Variants in LRRC7 observed in about 807,000 individuals in gnomAD.
The protein encoded by LRRC7 is leucine rich repeat containing 7, also known as leucine-rich repeat-containing protein 7.
A neutral mutation model predicts 175.7 loss-of-function variants in LRRC7; 23 were observed. The ratio of observed to expected loss-of-function variants is 0.13; its 90% CI spans 0.09 to 0.19. The LOEUF is 0.19. LRRC7 is among the 10% of genes least tolerant of loss of function. The pLI, the probability that LRRC7 is intolerant of heterozygous loss-of-function variation, is 1.00. For synonymous variants in LRRC7, 685 were observed against 680.9 expected (o/e 1.01, Z -0.09); for missense variants, 1,354 against 1,904.7 (o/e 0.71, Z 5.38).
chr1:69,719,088 C>G (rs1666074757), intron 2 of LRRC7, among the ~76,000 whole-genome samples: 1 of 151,748 alleles, frequency 6.6e-6, no homozygotes. Context: ...ATTATAAACA[C>G]TTTAAGTCTC....
At chr1:69,914,026 A>G (rs1022629018) in intron 7 of LRRC7, among the ~76,000 whole-genome samples, 1 of 152,220 alleles carries the variant, frequency 6.6e-6, no homozygotes, top group African/African-American at 2.4e-5. Context: ...GACTAAGCAA[A>G]GTGAAAAAAT....
At chr1:69,717,921 A>T (rs1172334509) in intron 2 of LRRC7, among the ~76,000 whole-genome samples, 1 of 23,562 alleles carries the variant, frequency 4.2e-5, no homozygotes, top group Non-Finnish European at 7.0e-5. Flanking sequence ...GAAAGAGAGA[A>T]AAAAAGAAAA....
rs376561421 is a variant in LRRC7 at position 69,725,835 on chromosome 1, C to A, written c.101-34356C>A. 6.6e-5 allele frequency among the ~76,000 whole-genome samples: 10 copies of A among 152,312 alleles called. No individual in the cohort carries two copies. The East Asian group carries it at 1.7e-3, about 27-fold the overall frequency. ...CTCTGGGGAGCCCCACATGACCCAGCAGCTTGGTTTCTGTGCCCTGAGTGT... is the reference window on the plus strand; with the variant it reads ...CTCTGGGGAGCCCCACATGACCCAGAAGCTTGGTTTCTGTGCCCTGAGTGT... On this transcript the variant is annotated intron_variant, in intron 2 of 26. Transcript: ENST00000651989.
intron 2 of LRRC7, among the ~76,000 whole-genome samples, chr1:69,750,093 T>TAAATAAATAAATAAATAAATAAATAATA (rs139997047): frequency 2.7e-4 from 39 of 142,272 alleles, no homozygotes; most frequent in East Asian, 1.0e-3. Context: ...AATAAATAAA[T>TAAATAAATAAATAAATAAATAAATAATA]AATAATAACT....
chr1:69,780,850 A>G (rs986304053), intron 3 of LRRC7, among the ~76,000 whole-genome samples: 9 of 152,304 alleles, frequency 5.9e-5, no homozygotes, highest in Middle Eastern at 3.4e-3. Flanking sequence ...TGAAATCTAC[A>G]TGTGCCTACA....
intron 7 of LRRC7, among the ~76,000 whole-genome samples, chr1:69,907,207 C>T (rs1277169234): frequency 2.0e-5 from 3 of 152,182 alleles, no homozygotes; most frequent in African/African-American, 7.2e-5. Context: ...CATCTGCAAA[C>T]AGGGACAATT....
intron 23 of LRRC7, among the ~76,000 whole-genome samples, chr1:70,057,912 A>G (rs1347391719): frequency 1.3e-5 from 2 of 151,838 alleles, no homozygotes; most frequent in African/African-American, 4.8e-5. Context: ...AAAGTGATGG[A>G]AAAATGCCAA....
intron 1 of LRRC7, among the ~76,000 whole-genome samples, chr1:69,573,293 T>C (rs1171345694): frequency 1.3e-5 from 2 of 152,174 alleles, no homozygotes. Flanking sequence ...CTTCATGGCA[T>C]AAATTGAAGT....
At chr1:69,603,071 T>C (rs947620205) in intron 1 of LRRC7, among the ~76,000 whole-genome samples, 1 of 152,210 alleles carries the variant, frequency 6.6e-6, no homozygotes, top group African/African-American at 2.4e-5. Flanking sequence ...AGCATGACTA[T>C]ACATGCATTA....
chr1:69,597,834 G>A (rs1176778072), intron 1 of LRRC7, among the ~76,000 whole-genome samples: 1 of 152,140 alleles, frequency 6.6e-6, no homozygotes, highest in Non-Finnish European at 1.5e-5. Flanking sequence ...TTAGCATCAT[G>A]CAATACCATG....
At chr1:69,987,012 G>A (rs1190240309) in intron 10 of LRRC7, among the ~76,000 whole-genome samples, 2 of 152,184 alleles carry the variant, frequency 1.3e-5, no homozygotes, top group African/African-American at 4.8e-5. Context: ...GGGAGGCCAA[G>A]GCGGGTGGGT....
intron 2 of LRRC7, among the ~76,000 whole-genome samples, chr1:69,717,814 GAAA>G (rs1557640850): frequency 2.8e-4 from 7 of 25,402 alleles, no homozygotes; most frequent in African/African-American, 1.6e-3. Context: ...AAGAAAGAAA[GAAA>G]GAAAGAAAGA....
At chr1:69,716,976 G>A (rs979555722) in intron 2 of LRRC7, among the ~76,000 whole-genome samples, 4 of 151,644 alleles carry the variant, frequency 2.6e-5, no homozygotes, top group Non-Finnish European at 5.9e-5. Context: ...AAGGATTTTA[G>A]AAAGTATTTA....
intron 3 of LRRC7, among the ~76,000 whole-genome samples, chr1:69,773,276 G>A (rs1672441430): frequency 6.6e-6 from 1 of 152,138 alleles, no homozygotes; most frequent in African/African-American, 2.4e-5. Flanking sequence ...TGCATGAAGG[G>A]GAGGAATAGA....
At chr1:69,714,597 T>C (rs976990584) in intron 2 of LRRC7, among the ~76,000 whole-genome samples, 2 of 152,068 alleles carry the variant, frequency 1.3e-5, no homozygotes, top group African/African-American at 4.8e-5. Context: ...CAGAAATCAG[T>C]AGAAGGGCAG....
At chr1:69,586,734 A>G (rs1646418583) in intron 1 of LRRC7, among the ~76,000 whole-genome samples, 2 of 152,178 alleles carry the variant, frequency 1.3e-5, no homozygotes, top group African/African-American at 2.4e-5. Context: ...TAAAAAAGGC[A>G]TTTTACCAAA....
intron 1 of LRRC7, among the ~76,000 whole-genome samples, chr1:69,661,399 C>T (rs952361662): frequency 2.0e-5 from 3 of 152,124 alleles, no homozygotes; most frequent in South Asian, 2.1e-4. Context: ...GTATTTTATG[C>T]CTTACAACAT....
intron 21 of LRRC7, among the ~76,000 whole-genome samples, chr1:70,042,935 C>G (rs148587479): frequency 1.3e-5 from 2 of 152,082 alleles, no homozygotes; most frequent in African/African-American, 4.8e-5. Context: ...GAATAGCTAC[C>G]TGCTGCTAAT....
intron 3 of LRRC7, among the ~76,000 whole-genome samples, chr1:69,784,241 C>T (rs1002790702): frequency 1.3e-5 from 2 of 151,370 alleles, no homozygotes; most frequent in African/African-American, 4.9e-5. Context: ...TAAACAGAAG[C>T]GAGGGAATTA....
Sources: allele counts gnomAD v4.1 joint callset (sites outside exome capture counted in the v4.1 genomes callset), GRCh38; gene constraint gnomAD v4.1.1; transcripts MANE v1.5; gene names NCBI Gene and HGNC (gene_info 2026-07-23, HGNC 2026-07-21).